Variants in NPM1 observed in about 807,000 individuals in gnomAD.
The protein encoded by NPM1 is nucleophosmin 1, also known as nucleophosmin.
In NPM1, 1 loss-of-function variant was observed where a neutral mutation model predicts 44.1. The ratio of observed to expected loss-of-function variants is 0.02; its 90% confidence interval spans 0.01 to 0.11. The LOEUF (loss-of-function observed/expected upper bound fraction) is 0.11, where lower values mean the gene tolerates loss of function less well. Among genes scored for constraint, NPM1 ranks in the 10% least tolerant of loss-of-function variants. The pLI is 1.00. For synonymous variants in NPM1, 126 were observed against 111.8 expected, an observed-to-expected ratio of 1.13 and a Z score of -0.80; for missense variants, 197 against 347.8, an observed-to-expected ratio of 0.57 and a Z score of 3.45.
At chr5:171,387,788 G>C, upstream of NPM1, 1 of 685,148 alleles carries the variant, frequency 1.5e-6, no homozygotes, top group East Asian at 2.8e-5. Flanking sequence ...CGCGGAGGCG[G>C]GACTTGGGAA....
intron 1 of NPM1, among the ~76,000 whole-genome samples, 172 bp from the exon 2 acceptor site, chr5:171,389,879 T>C (rs971610356): frequency 2.0e-4 from 30 of 152,212 alleles, no homozygotes; most frequent in African/African-American, 6.8e-4. Flanking sequence ...TATGGGTGTC[T>C]GTAGAGGTTT....
intron 4 of NPM1, among the ~76,000 whole-genome samples, 177 bp from the exon 5 acceptor site, chr5:171,392,533 T>C (rs1030757633): frequency 2.0e-5 from 3 of 151,722 alleles, no homozygotes; most frequent in Admixed American, 2.0e-4. Flanking sequence ...AACCTGGCAG[T>C]GAACATTAGG....
At chr5:171,405,627 A>G in intron 9 of NPM1, 2 of 522,914 alleles carry the variant, frequency 3.8e-6, no homozygotes, top group South Asian at 4.4e-5. Flanking sequence ...TCCATTATGC[A>G]AGGAACGTAG....
At chr5:171,397,484 G>T (rs1770967845) in intron 6 of NPM1, among the ~76,000 whole-genome samples, 1 of 152,116 alleles carries the variant, frequency 6.6e-6, no homozygotes, top group African/African-American at 2.4e-5. Flanking sequence ...AATCCTGGTG[G>T]TATGAAGTGC....
chr5:171,392,509 C>T (rs999757579), intron 4 of NPM1, among the ~76,000 whole-genome samples: 13 of 151,988 alleles, frequency 8.6e-5, no homozygotes, highest in African/African-American at 3.1e-4. Flanking sequence ...CCTCCCCAGG[C>T]TTCTTGCATT....
At chr5:171,390,748 C>T (rs966005371) in intron 2 of NPM1, among the ~76,000 whole-genome samples, 2 of 151,062 alleles carry the variant, frequency 1.3e-5, no homozygotes, top group African/African-American at 4.9e-5. Context: ...TCTTTGGAGG[C>T]AGTCTCGCTC....
At position 171,392,609 on chromosome 5, in the gene NPM1, G is replaced by T. The variant is rs1484963278; in HGVS notation, c.353-101G>T. 264 of 530,684 alleles carry T rather than the reference G, an allele frequency of 5.0e-4. No individual in the cohort carries two copies. Among genetic ancestry groups the T allele is most frequent in the Non-Finnish European group, 7.1e-4 (229 of 322,342 alleles). 32.9% of individuals were successfully genotyped at this position (530,684 alleles called of 1,614,324 possible). On this transcript the variant is annotated intron_variant, in intron 4 of 10. Coordinates refer to ENST00000296930, the MANE Select transcript of NPM1 (RefSeq NM_002520.7). The stretch of plus-strand genomic sequence containing the variant: ...CTCTTTTTTTTTTTTTTTTTAAATA[G>T]AATAGAAGTCTCAGTTTTTAGAGTA...
rs148440750 is a variant in NPM1, at chr5:171,399,496, C to G, written c.525-657C>G. On this transcript the variant is annotated intron_variant, in intron 6 of 10. Coordinates refer to ENST00000296930, the MANE Select transcript of NPM1 (RefSeq NM_002520.7). ...AAACGATCCTCCCACCTCAGCCTCCCAAAGTGTTAGGATTATAGGTGTGAG... is the reference window on the plus strand; with the variant it reads ...AAACGATCCTCCCACCTCAGCCTCCGAAAGTGTTAGGATTATAGGTGTGAG... 3.4e-3 allele frequency among the ~76,000 whole-genome samples: 512 copies of G among 152,234 alleles called. 1 individual carries two copies. Among genetic ancestry groups the G allele is most frequent in the African/African-American group, 0.011 (463 of 41,530 alleles).
intron 6 of NPM1, among the ~76,000 whole-genome samples, chr5:171,394,633 TAGTA>T (rs1421311368): frequency 1.3e-4 from 20 of 152,164 alleles, no homozygotes; most frequent in African/African-American, 4.6e-4. Flanking sequence ...TATTTCTCGT[TAGTA>T]AGAATTGAAA....
intron 8 of NPM1, among the ~76,000 whole-genome samples, chr5:171,402,105 A>AT (rs1230225539): frequency 6.6e-6 from 1 of 151,102 alleles, no homozygotes; most frequent in African/African-American, 2.4e-5. Context: ...ATTTAAACGA[A>AT]TAAATTTCAT....
At chr5:171,399,027 T>C (rs1236431075) in intron 6 of NPM1, among the ~76,000 whole-genome samples, 2 of 152,142 alleles carry the variant, frequency 1.3e-5, no homozygotes, top group Non-Finnish European at 2.9e-5. Flanking sequence ...ATTTTTGTAT[T>C]TTTAGTAGAG....
Position 171,400,179 on chromosome 5 carries a change from A to C in NPM1, c.551A>C (p.Glu184Ala). 2 of 1,605,412 alleles carry C rather than the reference A, an allele frequency of 1.2e-6. No homozygotes were observed. The highest frequency in any genetic ancestry group is 1.7e-6 in the Non-Finnish European group (2 of 1,172,276). Reference sequence around the variant, plus strand: ...GATGATGATGATGATTTTGATGATGAGGAAGCTGAAGAAAAAGCGCCAGTG... The same window carrying C: ...GATGATGATGATGATTTTGATGATGCGGAAGCTGAAGAAAAAGCGCCAGTG... ...EDDDDDDFDD[E>A]EAEEKAPVKK... The change falls in exon 7 of 11, where the codon GAG becomes GCG. Residue 184 changes from glutamate (E) to alanine (A), a missense_variant. By Grantham distance (107) the Glu-to-Ala change is moderately radical. Coordinates refer to ENST00000296930, the MANE Select transcript of NPM1 (RefSeq NM_002520.7).
At chr5:171,393,084 C>G (rs1488222243) in intron 6 of NPM1, 106 bp downstream of exon 6, 7 of 1,400,638 alleles carry the variant, frequency 5.0e-6, no homozygotes, top group Non-Finnish European at 6.8e-6. Context: ...TTACAAAAAG[C>G]CATCCTATGT....
chr5:171,406,605 A>C, intron 9 of NPM1: 2 of 1,384,046 alleles, frequency 1.4e-6, no homozygotes, highest in African/African-American at 2.9e-5. Flanking sequence ...CTTTCTTCTG[A>C]CTGCTGTGAT....
At chr5:171,387,750 C>CG (rs1219873581), upstream of NPM1, 47 of 596,444 alleles carry the variant, frequency 7.9e-5, no homozygotes, top group African/African-American at 6.2e-4. Context: ...GGCTACGGTA[C>CG]GGGGGTGGGA....
chr5:171,395,830 G>T (rs1207330584), intron 6 of NPM1, among the ~76,000 whole-genome samples: 4 of 152,176 alleles, frequency 2.6e-5, no homozygotes, highest in Non-Finnish European at 5.9e-5. Flanking sequence ...GATGACTCTT[G>T]ATTTAAGCAA....
At chr5:171,393,014 A>G in intron 6 of NPM1, 36 bp downstream of exon 6, 1 of 1,590,382 alleles carries the variant, frequency 6.3e-7, no homozygotes, top group East Asian at 2.3e-5. Flanking sequence ...ATACTTCCGG[A>G]ATCTTGACAA....
In NPM1 at chr5:171,389,194, A is replaced by G. The variant is rs1770441074; in HGVS notation, c.59-857A>G. Among the ~76,000 whole-genome samples, 2 of 151,742 alleles carry G rather than the reference A, an allele frequency of 1.3e-5. 1 individual carries two copies. The highest frequency in any genetic ancestry group is 4.2e-4 in the South Asian group (2 of 4,784). On this transcript the variant is annotated intron_variant, in intron 1 of 10. Coordinates refer to ENST00000296930, the MANE Select transcript of NPM1 (RefSeq NM_002520.7). Reference sequence around the variant, plus strand: ...CAGAAGCCTAATCTTTGTACTATTCAGACTTTGAAGTAAATGCAAATCCTA... The same window carrying G: ...CAGAAGCCTAATCTTTGTACTATTCGGACTTTGAAGTAAATGCAAATCCTA...
intron 1 of NPM1, 150 bp downstream of exon 1, chr5:171,388,156 C>T (rs1006353768): frequency 2.7e-6 from 2 of 734,514 alleles, no homozygotes; most frequent in African/African-American, 3.5e-5. Context: ...CTGCCTGAGC[C>T]CTGGACCTGG....
Sources: allele counts gnomAD v4.1 joint callset (sites outside exome capture counted in the v4.1 genomes callset), GRCh38; gene constraint gnomAD v4.1.1; transcripts MANE v1.5; gene names NCBI Gene and HGNC (gene_info 2026-07-23, HGNC 2026-07-21).